The following CXADR variants were observed in gnomAD, a reference collection of about 807,000 sequenced individuals.
The protein encoded by CXADR is CXADR cell adhesion molecule, also known as coxsackievirus and adenovirus receptor.
A neutral mutation model predicts 40.3 loss-of-function variants in CXADR; 20 were observed. That is an observed-to-expected ratio of 0.50 (90% confidence interval 0.35 to 0.72). The LOEUF (loss-of-function observed/expected upper bound fraction) is 0.72, where lower values mean the gene tolerates loss of function less well. CXADR is among the 30% of genes least tolerant of loss of function. CXADR has a pLI of 0.01. For synonymous variants in CXADR, 150 were observed against 161.3 expected, an observed-to-expected ratio of 0.93 and a Z score of 0.53; for missense variants, 332 against 449.1, an observed-to-expected ratio of 0.74 and a Z score of 2.36.
At chr21:17,517,067 A>C (rs2060471194) in intron 1 of CXADR, among the ~76,000 whole-genome samples, 1 of 152,192 alleles carries the variant, frequency 6.6e-6, no homozygotes, top group African/African-American at 2.4e-5. Flanking sequence ...TTGGTCTTGC[A>C]TCTCAGATAT....
intron 6 of CXADR, among the ~76,000 whole-genome samples, chr21:17,564,356 G>A (rs1470916835): frequency 6.6e-6 from 1 of 150,948 alleles, no homozygotes; most frequent in South Asian, 2.1e-4. Flanking sequence ...AAGATACAAT[G>A]TATATAACCT....
intron 1 of CXADR, among the ~76,000 whole-genome samples, chr21:17,538,634 C>T (rs902717547): frequency 2.6e-5 from 4 of 151,922 alleles, no homozygotes; most frequent in Non-Finnish European, 5.9e-5. Context: ...AACGAGACTG[C>T]AACTCCACTG....
At position 17,565,486 on chromosome 21, in the gene CXADR, A is replaced by G. The variant is rs1298217454; in HGVS notation, c.892A>G (p.Asn298Asp). ...TSTARSYIGS[N>D]HSSLGSMSPS... The stretch of plus-strand genomic sequence containing the variant: ...CACTGCCAGAAGCTACATCGGCAGT[A>G]ATCATTCATCCCTGGGGTCCATGTC... Residue 298 changes from asparagine (N) to aspartate (D), a missense_variant, in exon 7 of 7, where the codon AAT becomes GAT. Transcript: ENST00000284878. The G allele has an allele frequency of 6.2e-7, 1 of 1,613,972 alleles. No homozygotes were observed. Among genetic ancestry groups the G allele is most frequent in the African/African-American group, 1.3e-5 (1 of 75,048 alleles).
At chr21:17,551,979 G>A (rs367983583) in intron 3 of CXADR, 26 bp downstream of exon 3, 11 of 1,536,970 alleles carry the variant, frequency 7.2e-6, no homozygotes, top group African/African-American at 5.5e-5. Flanking sequence ...TTGTGTTAAC[G>A]GGTTACTGAG....
At chr21:17,612,558 G>A in the CXADR span, 1 of 151,992 alleles carries the variant, frequency 6.6e-6, no homozygotes, top group Non-Finnish European at 1.5e-5. Flanking sequence ...ATGCAACCTG[G>A]TTCCATCCCC....
chr21:17,559,691 T>TTC (rs67471532), intron 4 of CXADR, among the ~76,000 whole-genome samples: 4 of 128,424 alleles, frequency 3.1e-5, no homozygotes, highest in Admixed American at 8.8e-5. Flanking sequence ...TTTTTTTTTT[T>TTC]CCGAGACAAG....
At chr21:17,594,422 C>G (rs2061477239), downstream of CXADR, 2 of 1,429,752 alleles carry the variant, frequency 1.4e-6, no homozygotes, top group Non-Finnish European at 1.9e-6. Flanking sequence ...CAAAGTTACC[C>G]ACAACACTGA....
At chr21:17,599,282 C>T in the CXADR span, among the ~76,000 whole-genome samples, 1 of 150,260 alleles carries the variant, frequency 6.7e-6, no homozygotes, top group Non-Finnish European at 1.5e-5. Context: ...CTCAGGTGAT[C>T]GATCCTCCAA....
chr21:17,566,342 A>G lies in CXADR; in HGVS notation c.*650A>G, dbSNP rs1473145630. On this transcript the variant is annotated 3_prime_UTR_variant, in exon 7 of 7. Transcript: ENST00000284878. ...TTTAGTTGATAGACTGCTACAGGTA[A>G]TAGGGACTTAGCAAGCTCTTTTATA... 19 of 984,178 alleles carry G rather than the reference A, an allele frequency of 1.9e-5. No individual in the cohort carries two copies. In the East Asian group the frequency reaches 6.8e-4, roughly 35 times the overall value. The allele number at this position is 984,178 out of a possible 1,614,324, so 61.0% of individuals were successfully genotyped here.
rs191106225 is a variant in CXADR at position 17,561,672 on chromosome 21, C to T, written c.833+196C>T. ...GCTCCAACCACCATTCGTTGTGCCC[C>T]GCTCCCCAACCTTCTCGTACCCCAT... is the stretch of plus-strand genomic sequence containing the variant. On this transcript the variant is annotated intron_variant, in intron 6 of 6. Coordinates refer to ENST00000284878, the MANE Select transcript of CXADR (RefSeq NM_001338.5). Among the ~76,000 whole-genome samples, 82 of 152,238 alleles carry T rather than the reference C, an allele frequency of 5.4e-4. No individual in the cohort carries two copies. The South Asian group carries it at 0.014, about 25-fold the overall frequency.
chr21:17,600,146 A>T, the CXADR span, among the ~76,000 whole-genome samples: 1 of 152,228 alleles, frequency 6.6e-6, no homozygotes, highest in African/African-American at 2.4e-5. Context: ...TTACTTAAAA[A>T]AAAATTCTGA....
chr21:17,613,948 C>T, the CXADR span: 1 of 152,056 alleles, frequency 6.6e-6, no homozygotes, highest in African/African-American at 2.4e-5. Flanking sequence ...CCTTACTGCC[C>T]ACTAGGCTTG....
chr21:17,520,197 G>C (rs1248122682), intron 1 of CXADR, among the ~76,000 whole-genome samples: 1 of 152,120 alleles, frequency 6.6e-6, no homozygotes. Flanking sequence ...GCAAAGCCAT[G>C]TGCCAGGTGC....
intron 1 of CXADR, among the ~76,000 whole-genome samples, chr21:17,527,905 A>T (rs2060617387): frequency 3.3e-5 from 5 of 150,776 alleles, no homozygotes; most frequent in Admixed American, 3.3e-4. Flanking sequence ...GCTCAGCTTC[A>T]CATTCACCCC....
the CXADR span, among the ~76,000 whole-genome samples, chr21:17,599,706 C>T: frequency 6.6e-6 from 1 of 152,144 alleles, no homozygotes; most frequent in Non-Finnish European, 1.5e-5. Context: ...TCTTGAACTC[C>T]TGACCTCAGG....
At chr21:17,605,798 G>GTA in the CXADR span, among the ~76,000 whole-genome samples, 1 of 152,098 alleles carries the variant, frequency 6.6e-6, no homozygotes, top group African/African-American at 2.4e-5. Context: ...TGAAGGAAAA[G>GTA]TATTTACTGC....
At chr21:17,557,323 A>T (rs2061049317) in intron 3 of CXADR, among the ~76,000 whole-genome samples, 1 of 152,148 alleles carries the variant, frequency 6.6e-6, no homozygotes, top group South Asian at 2.1e-4. Context: ...GGAATACTCA[A>T]TTACTAAATG....
intron 7 of CXADR, among the ~76,000 whole-genome samples, chr21:17,580,510 G>A (rs903071208): frequency 6.6e-6 from 1 of 152,140 alleles, no homozygotes; most frequent in Admixed American, 6.5e-5. Flanking sequence ...TTGGGAGGCT[G>A]AAGTAGGAGG....
intron 3 of CXADR, among the ~76,000 whole-genome samples, chr21:17,555,004 C>G (rs1357729735): frequency 6.6e-6 from 1 of 152,132 alleles, no homozygotes; most frequent in African/African-American, 2.4e-5. Flanking sequence ...GTAGCTTGCT[C>G]CATTGCCGTG....
Sources: allele counts gnomAD v4.1 joint callset (sites outside exome capture counted in the v4.1 genomes callset), GRCh38; gene constraint gnomAD v4.1.1; transcripts MANE v1.5; gene names NCBI Gene and HGNC (gene_info 2026-07-23, HGNC 2026-07-21).